UNC5C: variants seen among roughly 807,000 people sequenced by gnomAD.
UNC5C encodes netrin receptor UNC5C.
In UNC5C, 47 loss-of-function variants were observed where a neutral mutation model predicts 99.8. The observed-to-expected ratio is 0.47, with a 90% CI of 0.37 to 0.60. The LOEUF (loss-of-function observed/expected upper bound fraction) is 0.60, where lower values mean the gene tolerates loss of function less well. Among genes scored for constraint, UNC5C ranks in the 20% least tolerant of loss-of-function variants. UNC5C has a pLI of 0.00. For synonymous variants in UNC5C, 487 were observed against 452.2 expected, an observed-to-expected ratio of 1.08 and a Z score of -0.98; for missense variants, 1,062 against 1,165.9, an observed-to-expected ratio of 0.91 and a Z score of 1.30.
intron 2 of UNC5C, among the ~76,000 whole-genome samples, chr4:95,316,948 T>C (rs912542147): frequency 1.4e-4 from 20 of 146,560 alleles, no homozygotes; most frequent in African/African-American, 5.1e-4. Flanking sequence ...TGTAATTTCA[T>C]ATGTTCCTGA....
At chr4:95,248,726 T>G (rs1277325962) in intron 5 of UNC5C, 1 of 361,342 alleles carries the variant, frequency 2.8e-6, no homozygotes, top group East Asian at 7.9e-5. Context: ...AAGGACAGAC[T>G]TCATATACCA....
At chr4:95,535,347 C>G (rs1271527880) in intron 1 of UNC5C, among the ~76,000 whole-genome samples, 1 of 152,116 alleles carries the variant, frequency 6.6e-6, no homozygotes, top group Non-Finnish European at 1.5e-5. Flanking sequence ...CTGATGGTAA[C>G]CCTAATGGAA....
rs564810250 is a variant in UNC5C, at chr4:95,509,568, A to G, written c.124+39166T>C. 2.6e-5 allele frequency among the ~76,000 whole-genome samples: 4 copies of G among 152,056 alleles called. No individual in the cohort carries two copies. In the East Asian group the frequency reaches 7.7e-4, roughly 29 times the overall value. ...ACTGATTAAATGCCTGTTGCTTAAA[A>G]TATTATTTAAAATGTGTGTACCCTG... On this transcript the variant is annotated intron_variant, in intron 1 of 15. Transcript: ENST00000453304.
At chr4:95,357,405 G>A (rs1460551372) in intron 1 of UNC5C, among the ~76,000 whole-genome samples, 1 of 151,806 alleles carries the variant, frequency 6.6e-6, no homozygotes, top group Non-Finnish European at 1.5e-5. Context: ...CAAAGTGCTG[G>A]GATTACAGGC....
intron 13 of UNC5C, among the ~76,000 whole-genome samples, chr4:95,184,674 G>A (rs1338518718): frequency 6.6e-6 from 1 of 152,166 alleles, no homozygotes; most frequent in Non-Finnish European, 1.5e-5. Flanking sequence ...GGCCTAGGAA[G>A]GCTGAAGCCT....
chr4:95,272,103 C>G (rs1740687397), intron 4 of UNC5C, among the ~76,000 whole-genome samples: 1 of 152,208 alleles, frequency 6.6e-6, no homozygotes, highest in Non-Finnish European at 1.5e-5. Flanking sequence ...TCCCCAACAA[C>G]CATCACCCTC....
At chr4:95,485,650 C>T (rs1473899601) in intron 1 of UNC5C, among the ~76,000 whole-genome samples, 4 of 151,732 alleles carry the variant, frequency 2.6e-5, no homozygotes, top group Admixed American at 6.6e-5. Flanking sequence ...TGAATTACTA[C>T]AGTCAGATAT....
intron 1 of UNC5C, among the ~76,000 whole-genome samples, chr4:95,545,174 G>T (rs1252772961): frequency 6.6e-6 from 1 of 152,118 alleles, no homozygotes; most frequent in Non-Finnish European, 1.5e-5. Flanking sequence ...GGTGTTCGAG[G>T]ACCCTGTCTT....
intron 1 of UNC5C, among the ~76,000 whole-genome samples, chr4:95,476,664 C>T (rs1352494656): frequency 1.3e-5 from 2 of 152,062 alleles, no homozygotes; most frequent in Non-Finnish European, 2.9e-5. Flanking sequence ...AACAATGCTG[C>T]TTTGAAGAAA....
At chr4:95,525,294 A>G (rs1722468013) in intron 1 of UNC5C, among the ~76,000 whole-genome samples, 1 of 152,150 alleles carries the variant, frequency 6.6e-6, no homozygotes, top group Non-Finnish European at 1.5e-5. Context: ...AAAATAAATT[A>G]TATCTGCTTT....
Position 95,533,729 on chromosome 4 carries a change from A to G in UNC5C, c.124+15005T>C, listed in dbSNP as rs149906238. On this transcript the variant is annotated intron_variant, in intron 1 of 15. Coordinates refer to ENST00000453304, the MANE Select transcript of UNC5C (RefSeq NM_003728.4). ...TGAAAACAAAAACAAAAAAGGCAGT[A>G]ATCATTCAATAGAACTTCCTAAGAC... is the stretch of plus-strand genomic sequence containing the variant. Among the ~76,000 whole-genome samples, 275 of 152,314 alleles carry G rather than the reference A, an allele frequency of 1.8e-3. 2 individuals carry two copies. Among genetic ancestry groups the G allele is most frequent in the African/African-American group, 5.8e-3 (243 of 41,588 alleles).
At chr4:95,485,398 G>A (rs1056968461) in intron 1 of UNC5C, among the ~76,000 whole-genome samples, 2 of 151,774 alleles carry the variant, frequency 1.3e-5, no homozygotes, top group Non-Finnish European at 2.9e-5. Flanking sequence ...AAGAGAAAAT[G>A]ATCTGTAAGA....
intron 1 of UNC5C, among the ~76,000 whole-genome samples, chr4:95,413,552 A>G (rs138338801): frequency 1.3e-5 from 2 of 152,208 alleles, no homozygotes; most frequent in Non-Finnish European, 2.9e-5. Flanking sequence ...ATTGAATATA[A>G]TACGATTCAG....
chr4:95,544,330 C>T (rs1723003652), intron 1 of UNC5C, among the ~76,000 whole-genome samples: 1 of 152,142 alleles, frequency 6.6e-6, no homozygotes, highest in African/African-American at 2.4e-5. Flanking sequence ...TGCATTAAAT[C>T]TAAGTAAAAT....
In UNC5C at chr4:95,219,238, A is replaced by G. The variant is rs961401548; in HGVS notation, c.1376T>C (p.Val459Ala). Reference sequence around the variant, plus strand: ...GTTGGTCATTGGGATTTTGTCTGAGACGTCATGCAGGGCATAGACAGGTCC... The same window carrying G: ...GTTGGTCATTGGGATTTTGTCTGAGGCGTCATGCAGGGCATAGACAGGTCC... ...YRGPVYALHD[V>A]SDKIPMTNSP... The change falls in exon 9 of 16, where the codon GTC (valine) becomes GCC (alanine). Residue 459 changes from valine to alanine, a missense_variant. Around this residue, in one of 3 missense-constraint regions of UNC5C, gnomAD observed 810 missense variants for 854.5 expected, o/e 0.95. Transcript: ENST00000453304. 6.2e-6 allele frequency: 10 copies of G among 1,614,026 alleles called. No homozygotes were observed. Among genetic ancestry groups the G allele is most frequent in the East Asian group, 2.2e-5 (1 of 44,888 alleles).
chr4:95,419,567 A>G (rs768853212), intron 1 of UNC5C, among the ~76,000 whole-genome samples: 1 of 152,204 alleles, frequency 6.6e-6, no homozygotes, highest in Non-Finnish European at 1.5e-5. Flanking sequence ...GCTGGCTGCC[A>G]GCAAAGGATT....
At chr4:95,244,576 C>T (rs1739434365) in intron 6 of UNC5C, among the ~76,000 whole-genome samples, 1 of 152,198 alleles carries the variant, frequency 6.6e-6, no homozygotes. Context: ...ATATTTCCAT[C>T]TAAAACATTT....
At chr4:95,202,605 T>C (rs1737719713) in intron 12 of UNC5C, 126 bp downstream of exon 12, 4 of 879,276 alleles carry the variant, frequency 4.5e-6, no homozygotes, top group Middle Eastern at 2.4e-4. Context: ...TGCATCCTTT[T>C]GGGCCAAACA....
intron 1 of UNC5C, among the ~76,000 whole-genome samples, chr4:95,395,879 C>CA (rs1745496048): frequency 6.6e-6 from 1 of 152,190 alleles, no homozygotes; most frequent in Non-Finnish European, 1.5e-5. Context: ...CAGTAGCCTT[C>CA]AAGCCACAAG....
Sources: gnomAD v4.1 joint callset for allele counts (sites outside exome capture counted in the v4.1 genomes callset) on GRCh38, gnomAD v4.1.1 for gene constraint, gnomAD v4.1.1 regional missense constraint, MANE v1.5 for transcripts, NCBI Gene and HGNC (gene_info 2026-07-23, HGNC 2026-07-21) for gene names.